XKR6: variants seen among roughly 807,000 people sequenced by gnomAD.
XKR6 encodes the protein XK related 6.
XKR6 carries 22 observed loss-of-function variants against 56.7 expected under a neutral mutation model. The observed-to-expected ratio is 0.39, with a 90% confidence interval of 0.28 to 0.55. XKR6 has a LOEUF of 0.55. XKR6 is among the 20% of genes least tolerant of loss of function. XKR6 has a pLI of 0.66. For synonymous variants in XKR6, 524 were observed against 387.8 expected, an observed-to-expected ratio of 1.35 and a Z score of -4.13; for missense variants, 852 against 889.0, an observed-to-expected ratio of 0.96 and a Z score of 0.53.
At chr8:10,933,182 G>C (rs1474523474) in intron 1 of XKR6, among the ~76,000 whole-genome samples, 3 of 125,988 alleles carry the variant, frequency 2.4e-5, no homozygotes, top group African/African-American at 1.0e-4. Flanking sequence ...TTTTTTGGCT[G>C]CATAAATGTC....
At chr8:11,192,100 T>C (rs773731055) in intron 1 of XKR6, among the ~76,000 whole-genome samples, 27 of 152,238 alleles carry the variant, frequency 1.8e-4, no homozygotes, top group Admixed American at 5.2e-4. Context: ...GGAGGACTGA[T>C]TGAGGCCAAG....
chr8:10,971,980 C>G (rs932834935), intron 1 of XKR6, among the ~76,000 whole-genome samples: 22 of 152,236 alleles, frequency 1.4e-4, no homozygotes, highest in African/African-American at 5.1e-4. Context: ...TGCCACAGCT[C>G]TTTCCCTCCA....
chr8:10,952,475 A>G (rs1371420706), intron 1 of XKR6, among the ~76,000 whole-genome samples: 2 of 152,084 alleles, frequency 1.3e-5, no homozygotes, highest in African/African-American at 4.8e-5. Flanking sequence ...TTTGTTTGAG[A>G]CAGGGTCTCA....
At chr8:11,056,997 G>A (rs555904354) in intron 1 of XKR6, among the ~76,000 whole-genome samples, 6 of 152,286 alleles carry the variant, frequency 3.9e-5, no homozygotes, top group African/African-American at 1.4e-4. Flanking sequence ...CACGTCTGAC[G>A]CCTTGTCCTT....
At chr8:11,185,267 T>C (rs1337836207) in intron 1 of XKR6, among the ~76,000 whole-genome samples, 1 of 152,214 alleles carries the variant, frequency 6.6e-6, no homozygotes, top group Non-Finnish European at 1.5e-5. Context: ...TTCTTAAATA[T>C]AGGTATGGCT....
At chr8:11,042,598 A>T (rs1799312807) in intron 1 of XKR6, among the ~76,000 whole-genome samples, 1 of 152,174 alleles carries the variant, frequency 6.6e-6, no homozygotes, top group Non-Finnish European at 1.5e-5. Flanking sequence ...TTTATAAATT[A>T]CTCAGTCTTG....
At chr8:10,957,937 T>A (rs1801945855) in intron 1 of XKR6, among the ~76,000 whole-genome samples, 1 of 150,006 alleles carries the variant, frequency 6.7e-6, no homozygotes, top group Non-Finnish European at 1.5e-5. Flanking sequence ...AAAAAAAAAC[T>A]TGGTGTACTA....
At chr8:10,929,087 G>C (rs1800984864) in intron 1 of XKR6, among the ~76,000 whole-genome samples, 1 of 152,152 alleles carries the variant, frequency 6.6e-6, no homozygotes, top group African/African-American at 2.4e-5. Context: ...TCACAGGAGG[G>C]GCAGGCAGGA....
At chr8:11,042,701 AT>A (rs1799315572) in intron 1 of XKR6, among the ~76,000 whole-genome samples, 1 of 152,276 alleles carries the variant, frequency 6.6e-6, no homozygotes, top group Non-Finnish European at 1.5e-5. Flanking sequence ...CAATGAACAT[AT>A]CCTTTGAGCA....
At position 10,967,402 on chromosome 8, in the gene XKR6, G is replaced by A. The variant is rs572380454; in HGVS notation, c.765-42572C>T. On this transcript the variant is annotated intron_variant, in intron 1 of 2. Coordinates refer to ENST00000416569, the MANE Select transcript of XKR6 (RefSeq NM_173683.4). ...TCTCTCTAGCCCTTCTTAACTGCCTGGCCCCTGGGTCTGATGTTTCTTGGG... is the reference window on the plus strand; with the variant it reads ...TCTCTCTAGCCCTTCTTAACTGCCTAGCCCCTGGGTCTGATGTTTCTTGGG... 5.4e-4 allele frequency among the ~76,000 whole-genome samples: 83 copies of A among 152,314 alleles called. 2 individuals carry two copies. Among genetic ancestry groups the A allele is most frequent in the South Asian group, 1.5e-3 (7 of 4,826 alleles).
intron 2 of XKR6, among the ~76,000 whole-genome samples, chr8:10,919,238 C>G (rs73535423): frequency 6.6e-6 from 1 of 152,200 alleles, no homozygotes; most frequent in Admixed American, 6.5e-5. Flanking sequence ...AGAAGGCTGT[C>G]TCTTTTCTTC....
In XKR6 at chr8:10,897,675, T is replaced by G. The variant is rs1203352654; in HGVS notation, c.*277A>C. ...GCGTGGGATTTTTCAATACTGTTTC[T>G]TATGTGTAAAAAACAAAAGAAAGGT... On this transcript the variant is annotated 3_prime_UTR_variant, in exon 3 of 3. Coordinates refer to ENST00000416569, the MANE Select transcript of XKR6 (RefSeq NM_173683.4). The G allele has an allele frequency of 1.2e-5, 4 of 336,726 alleles. No individual in the cohort carries two copies. The highest frequency in any genetic ancestry group is 4.7e-5 in the East Asian group (1 of 21,178). The allele number at this position is 336,726 out of a possible 1,614,324, so 20.9% of individuals were successfully genotyped here.
In XKR6 at chr8:10,968,557, G is replaced by GTGTT. The variant is rs781502277; in HGVS notation, c.765-43731_765-43728dup. Reference sequence around the variant, plus strand: ...CCTCCTCCTGTCCTCCAGGCCTAGGGTGTTTGTTCCTAGCTCCAGGGGATG... The same window carrying GTGTT: ...CCTCCTCCTGTCCTCCAGGCCTAGGGTGTTTGTTTGTTCCTAGCTCCAGGGGATG... On this transcript the variant is annotated intron_variant, in intron 1 of 2. Transcript: ENST00000416569. Among the ~76,000 whole-genome samples, 7 of 152,326 alleles carry GTGTT rather than the reference G, an allele frequency of 4.6e-5. No homozygotes were observed. In the East Asian group the frequency reaches 7.7e-4, roughly 17 times the overall value.
At position 11,187,199 on chromosome 8, in the gene XKR6, T is replaced by C. The variant is rs75193038; in HGVS notation, c.764+13377A>G. On this transcript the variant is annotated intron_variant, in intron 1 of 2. Coordinates refer to ENST00000416569, the MANE Select transcript of XKR6 (RefSeq NM_173683.4). Reference sequence around the variant, plus strand: ...ATACCAATGCTGCATCAAGAAATTATAGCATCCCACCCTATGGCTAGGTTT... The same window carrying C: ...ATACCAATGCTGCATCAAGAAATTACAGCATCCCACCCTATGGCTAGGTTT... 2.1e-3 allele frequency among the ~76,000 whole-genome samples: 314 copies of C among 152,344 alleles called. 1 individual carries two copies. Among genetic ancestry groups the C allele is most frequent in the African/African-American group, 7.1e-3 (295 of 41,584 alleles).
chr8:10,931,220 A>G (rs560675945), intron 1 of XKR6, among the ~76,000 whole-genome samples: 1 of 152,324 alleles, frequency 6.6e-6, no homozygotes, highest in South Asian at 2.1e-4. Context: ...AGACAAATCT[A>G]CTGAAACATG....
intron 1 of XKR6, chr8:11,035,262 C>G (rs751516646): frequency 1.9e-6 from 1 of 534,804 alleles, no homozygotes; most frequent in Non-Finnish European, 3.8e-6. Context: ...TTCCAGCTCA[C>G]ACCATCGGGA....
At chr8:11,039,339 A>T (rs1799226297) in intron 1 of XKR6, among the ~76,000 whole-genome samples, 1 of 152,210 alleles carries the variant, frequency 6.6e-6, no homozygotes. Flanking sequence ...AGCTACAAAG[A>T]GTGGCTGGGC....
chr8:10,949,941 C>G (rs1186677367), intron 1 of XKR6, among the ~76,000 whole-genome samples: 2 of 152,182 alleles, frequency 1.3e-5, no homozygotes, highest in African/African-American at 4.8e-5. Context: ...GCTGTGCTCA[C>G]AGCTCCTCCA....
At position 11,111,008 on chromosome 8, in the gene XKR6, AT is replaced by A. The variant is rs58233543; in HGVS notation, c.764+89567del. Among the ~76,000 whole-genome samples, 75 of 114,192 alleles carry A rather than the reference AT, an allele frequency of 6.6e-4. No homozygotes were observed. The East Asian group carries it at 7.3e-3, about 11-fold the overall frequency. The allele number at this position is 114,192 out of a possible 152,430, so 74.9% of individuals were successfully genotyped here. A position where few individuals can be genotyped will look rare whatever the true frequency, so the allele number is the denominator to read the frequency against. On this transcript the variant is annotated intron_variant, in intron 1 of 2. Transcript: ENST00000416569. ...CCTGCCACCACGCCTGGCTTTTTCT[AT>A]TTTTTTTTTTTTTTTTTTTTTTTTT...
Sources: gnomAD v4.1 joint callset for allele counts (sites outside exome capture counted in the v4.1 genomes callset) on GRCh38, gnomAD v4.1.1 for gene constraint, MANE v1.5 for transcripts, NCBI Gene and HGNC (gene_info 2026-07-23, HGNC 2026-07-21) for gene names.